Variants in ANK2 observed in about 807,000 individuals in gnomAD.
ANK2 encodes the protein ankyrin-2.
A neutral mutation model predicts 360.5 loss-of-function variants in ANK2; 83 were observed. That is an observed-to-expected ratio of 0.23 (90% CI 0.19 to 0.28). ANK2 has a LOEUF of 0.28. Among genes scored for constraint, ANK2 ranks in the 10% least tolerant of loss-of-function variants. ANK2 has a pLI of 1.00. For missense variants in ANK2, 4,201 were observed against 4,795.7 expected, an observed-to-expected ratio of 0.88 and a Z score of 3.66; for synonymous variants, 1,740 against 1,759.5, an observed-to-expected ratio of 0.99 and a Z score of 0.28.
chr4:113,379,603 G>GA (rs560865922), intron 45 of ANK2, among the ~76,000 whole-genome samples: 23 of 147,272 alleles, frequency 1.6e-4, no homozygotes, highest in Non-Finnish European at 2.4e-4. Context: ...CCTTTTTGAA[G>GA]AAAAAAAAAA....
intron 18 of ANK2, among the ~76,000 whole-genome samples, chr4:113,286,161 T>A (rs1422762884): frequency 6.6e-6 from 1 of 152,262 alleles, no homozygotes; most frequent in Non-Finnish European, 1.5e-5. Flanking sequence ...ATAACATTTT[T>A]AAACAGACTA....
rs1564099462 is a variant in ANK2 at position 113,363,461 on chromosome 4, A to G, written c.10880A>G (p.His3627Arg). ...LKYWLERDGK[H>R]ATDTNLVECL... ...TACTGGCTAGAGAGGGATGGGAAAC[A>G]TGCTACAGGTAAGTGGGGAACTATA... The change falls in exon 40 of 46, where the codon CAT (histidine) becomes CGT (arginine). Residue 3627 changes from histidine to arginine, a missense_variant. This residue lies in a region of ANK2 where 2,642 missense variants were observed against 2,714.5 expected (regional missense o/e 0.97). Transcript: ENST00000357077. The G allele has an allele frequency of 6.2e-7, 1 of 1,613,440 alleles. No individual in the cohort carries two copies. Among genetic ancestry groups the G allele is most frequent in the Admixed American group, 1.7e-5 (1 of 59,978 alleles).
chr4:113,293,638 T>C lies in ANK2; in HGVS notation c.2475+100T>C, dbSNP rs2069165780. 2.0e-5 allele frequency: 24 copies of C among 1,181,862 alleles called. No individual in the cohort carries two copies. The South Asian group carries it at 3.1e-4, about 15-fold the overall frequency. The allele number at this position is 1,181,862 out of a possible 1,614,324, so 73.2% of individuals were successfully genotyped here. ...TCACTCACAAGATGTTTGGAGCTTT[T>C]AGTTTTGAACTTCTTTTTGTTGAAA... On this transcript the variant is annotated intron_variant, in intron 22 of 45. Transcript: ENST00000357077.
chr4:113,279,308 T>TA (rs1330804812), intron 17 of ANK2, among the ~76,000 whole-genome samples: 19 of 152,278 alleles, frequency 1.2e-4, no homozygotes, highest in African/African-American at 3.4e-4. Context: ...GACAATATAA[T>TA]AAAAAAACTG....
intron 2 of ANK2, among the ~76,000 whole-genome samples, chr4:112,960,823 C>T (rs1033392521): frequency 6.6e-6 from 1 of 151,772 alleles, no homozygotes; most frequent in Non-Finnish European, 1.5e-5. Flanking sequence ...CCCTTTTTAC[C>T]TTCATGACAT....
intron 4 of ANK2, among the ~76,000 whole-genome samples, chr4:113,219,566 G>A (rs906602177): frequency 9.2e-5 from 14 of 151,970 alleles, no homozygotes; most frequent in Non-Finnish European, 1.6e-4. Flanking sequence ...CCCTCACACA[G>A]AAAAAGTATT....
intron 4 of ANK2, among the ~76,000 whole-genome samples, chr4:113,201,555 A>G (rs942664649): frequency 1.7e-4 from 26 of 152,296 alleles, no homozygotes; most frequent in African/African-American, 6.0e-4. Context: ...GGTTAAATTC[A>G]ATTGTTCAGT....
At chr4:112,879,591 A>G (rs1474191011) in intron 1 of ANK2, among the ~76,000 whole-genome samples, 1 of 152,162 alleles carries the variant, frequency 6.6e-6, no homozygotes, top group Non-Finnish European at 1.5e-5. Context: ...TTTCTAAGCC[A>G]TTATGTTTTG....
intron 2 of ANK2, among the ~76,000 whole-genome samples, chr4:112,911,042 C>G (rs1364818204): frequency 6.7e-6 from 1 of 150,046 alleles, no homozygotes; most frequent in Non-Finnish European, 1.5e-5. Flanking sequence ...ACTGCAACGT[C>G]CGACTCCCGG....
intron 1 of ANK2, among the ~76,000 whole-genome samples, chr4:113,158,097 A>T (rs1421285482): frequency 6.6e-6 from 1 of 152,222 alleles, no homozygotes; most frequent in Non-Finnish European, 1.5e-5. Flanking sequence ...TTGAGTAGAC[A>T]GATGACTTAA....
intron 1 of ANK2, among the ~76,000 whole-genome samples, chr4:112,885,203 A>C (rs2077910140): frequency 6.6e-6 from 1 of 152,198 alleles, no homozygotes. Flanking sequence ...TCTTTATTTA[A>C]AAATTAAATA....
chr4:113,129,823 T>TA (rs1336474888), intron 1 of ANK2, among the ~76,000 whole-genome samples: 21 of 152,312 alleles, frequency 1.4e-4, no homozygotes, highest in African/African-American at 5.1e-4. Flanking sequence ...AAAATAAACT[T>TA]AAAAGACCCT....
At chr4:112,882,932 A>G (rs2077122423) in intron 1 of ANK2, among the ~76,000 whole-genome samples, 1 of 147,102 alleles carries the variant, frequency 6.8e-6, no homozygotes, top group African/African-American at 2.5e-5. Flanking sequence ...GGACTGGCCT[A>G]TACCTCCTAT....
chr4:113,302,777 A>G lies in ANK2; in HGVS notation c.2486A>G (p.Glu829Gly). The G allele has an allele frequency of 6.2e-7, 1 of 1,613,754 alleles. No individual in the cohort carries two copies. The highest frequency in any genetic ancestry group is 8.5e-7 in the Non-Finnish European group (1 of 1,179,710). The change falls in exon 23 of 46, where the codon GAA (glutamate) becomes GGA (glycine). Residue 829 changes from glutamate (E) to glycine (G), a missense_variant. Physicochemically the swap from Glu to Gly is moderately conservative, Grantham distance 98. This residue lies in a region of ANK2 where 1,268 missense variants were observed against 1,650.8 expected (regional missense o/e 0.77). Transcript: ENST00000357077. ...TTTTTGTTTTTCCAGACTATTACAG[A>G]AAAACACAAACTAAATGTACCTGAG... ...EVTTTTTTIT[E>G]KHKLNVPETM...
chr4:113,316,900 G>A (rs2083243609), intron 24 of ANK2, among the ~76,000 whole-genome samples: 1 of 152,142 alleles, frequency 6.6e-6, no homozygotes, highest in East Asian at 1.9e-4. Flanking sequence ...CTCATTTTTG[G>A]TCAGTGGCCA....
At chr4:113,207,826 G>C (rs2098972130) in intron 4 of ANK2, among the ~76,000 whole-genome samples, 1 of 152,082 alleles carries the variant, frequency 6.6e-6, no homozygotes, top group South Asian at 2.1e-4. Flanking sequence ...TCGAACACTT[G>C]CTAAGCCTAC....
At chr4:113,311,212 A>T (rs370592269) in intron 23 of ANK2, 43 bp from the exon 24 acceptor site, 8 of 1,612,846 alleles carry the variant, frequency 5.0e-6, no homozygotes, top group Non-Finnish European at 6.8e-6. Context: ...AGTTGATATT[A>T]CATTCAAGAA....
chr4:112,888,096 CCTTTA>C (rs568787374), intron 1 of ANK2, among the ~76,000 whole-genome samples: 1 of 152,002 alleles, frequency 6.6e-6, no homozygotes, highest in Non-Finnish European at 1.5e-5. Context: ...GTAGTGTTTT[CCTTTA>C]CTTGTTAATT....
intron 1 of ANK2, among the ~76,000 whole-genome samples, chr4:112,877,543 G>C (rs2075466928): frequency 6.6e-6 from 1 of 152,134 alleles, no homozygotes; most frequent in Non-Finnish European, 1.5e-5. Context: ...GCTCAGTCAA[G>C]CTTCTTTAAA....
Sources: allele counts gnomAD v4.1 joint callset (sites outside exome capture counted in the v4.1 genomes callset), GRCh38; gene constraint gnomAD v4.1.1; regional missense constraint gnomAD v4.1.1; transcripts MANE v1.5; gene names NCBI Gene and HGNC (gene_info 2026-07-23, HGNC 2026-07-21).